BRINP1: variants seen among roughly 807,000 people sequenced by gnomAD.
BRINP1 encodes BMP/retinoic acid inducible neural specific 1.
A neutral mutation model predicts 72.9 loss-of-function variants in BRINP1; 17 were observed. The ratio of observed to expected loss-of-function variants is 0.23; its 90% confidence interval spans 0.16 to 0.35. BRINP1 has a LOEUF of 0.35. Ranked by LOEUF, BRINP1 falls within the 10% of genes least tolerant of loss-of-function variation. The pLI is 1.00. For synonymous variants in BRINP1, 418 were observed against 378.5 expected (o/e 1.10, Z -1.21); for missense variants, 850 against 1,001.6 (o/e 0.85, Z 2.04).
intron 2 of BRINP1, among the ~76,000 whole-genome samples, chr9:119,274,114 C>T (rs985015491): frequency 2.0e-5 from 3 of 152,210 alleles, no homozygotes; most frequent in Non-Finnish European, 1.5e-5. Flanking sequence ...TCCACTGAGT[C>T]GATCCTATTT....
intron 2 of BRINP1, among the ~76,000 whole-genome samples, chr9:119,265,652 G>A (rs1206851912): frequency 2.0e-5 from 3 of 151,940 alleles, no homozygotes; most frequent in African/African-American, 4.8e-5. Flanking sequence ...TCAAATCATC[G>A]AGGAAAGAAT....
chr9:119,358,382 TGTATTAA>T, intron 1 of BRINP1, among the ~76,000 whole-genome samples: 1 of 116,184 alleles, frequency 8.6e-6, no homozygotes, highest in Non-Finnish European at 1.7e-5. Context: ...AGAGTTTATA[TGTATTAA>T]AAAAAAAAAA....
intron 2 of BRINP1, among the ~76,000 whole-genome samples, chr9:119,263,063 G>C: frequency 6.6e-6 from 1 of 152,094 alleles, no homozygotes; most frequent in East Asian, 1.9e-4. Context: ...AGCGATGAAC[G>C]CAGACCCCTG....
At position 119,238,654 on chromosome 9, in the gene BRINP1, C is replaced by A; in HGVS notation, c.685+1G>T. On this transcript the variant is annotated splice_donor_variant, in intron 5 of 7. Transcript: ENST00000265922. LOFTEE classifies it high-confidence loss of function. ...CCCCACTTTTTCCACTGGCTTCCTA[C>A]CTTGAAGGTGCAGTTTGCTCTCCGT... 6.3e-7 allele frequency: 1 copy of A among 1,598,962 alleles called. No homozygotes were observed. Among genetic ancestry groups the A allele is most frequent in the South Asian group, 1.1e-5 (1 of 89,316 alleles).
rs1178244926 is a variant in BRINP1 at position 119,368,450 on chromosome 9, T to C, written c.-51+606A>G. 2.6e-5 allele frequency among the ~76,000 whole-genome samples: 4 copies of C among 151,960 alleles called. No individual in the cohort carries two copies. Among genetic ancestry groups the C allele is most frequent in the Non-Finnish European group, 4.4e-5 (3 of 68,002 alleles). ...GAATTTTCCTTCAAGCGTACCAACA[T>C]TGGGCTAAATAAGGTGCCATCTACA... On this transcript the variant is annotated intron_variant, in intron 1 of 7. Transcript: ENST00000265922. This position sits in a 1 kb window ranked among gnomAD's most constrained non-coding sequence, Gnocchi z 4.7.
At chr9:119,249,695 C>T (rs536190442) in intron 2 of BRINP1, among the ~76,000 whole-genome samples, 1 of 151,994 alleles carries the variant, frequency 6.6e-6, no homozygotes, top group Non-Finnish European at 1.5e-5. Flanking sequence ...CTGTAAATGA[C>T]ACCACAAGAA....
intron 1 of BRINP1, among the ~76,000 whole-genome samples, chr9:119,328,528 G>T (rs1036432781): frequency 3.9e-5 from 6 of 152,114 alleles, no homozygotes; most frequent in Non-Finnish European, 8.8e-5. Flanking sequence ...TAGAATATGA[G>T]ACAGAAAGAT....
intron 2 of BRINP1, among the ~76,000 whole-genome samples, chr9:119,303,907 T>C (rs1234342055): frequency 6.7e-6 from 1 of 149,362 alleles, no homozygotes; most frequent in Non-Finnish European, 1.5e-5. Flanking sequence ...TGAGACAGAG[T>C]CTCACTCTAT....
chr9:119,192,986 G>A (rs1588160003), intron 7 of BRINP1, among the ~76,000 whole-genome samples: 1 of 152,056 alleles, frequency 6.6e-6, no homozygotes, highest in Non-Finnish European at 1.5e-5. Flanking sequence ...CATAGTATTT[G>A]CATAACCTAC....
chr9:119,248,141 C>T (rs969912525), intron 3 of BRINP1, among the ~76,000 whole-genome samples: 1 of 152,204 alleles, frequency 6.6e-6, no homozygotes, highest in Non-Finnish European at 1.5e-5. Context: ...CACCTCAGTC[C>T]ACCCTTCCTG....
intron 1 of BRINP1, among the ~76,000 whole-genome samples, chr9:119,355,485 T>C (rs144035067): frequency 0.064 from 9,722 of 152,080 alleles, 348 homozygotes; most frequent in South Asian, 0.15. Flanking sequence ...TCCCAGCACT[T>C]TGGGAGGCCA....
At chr9:119,241,690 G>T (rs1830250619) in intron 4 of BRINP1, among the ~76,000 whole-genome samples, 1 of 152,122 alleles carries the variant, frequency 6.6e-6, no homozygotes, top group Non-Finnish European at 1.5e-5. Context: ...TCTAATCGCT[G>T]CTATCTCTGA....
At chr9:119,205,263 C>T (rs1829841399) in intron 7 of BRINP1, among the ~76,000 whole-genome samples, 3 of 152,088 alleles carry the variant, frequency 2.0e-5, no homozygotes, top group Non-Finnish European at 4.4e-5. Flanking sequence ...GTGCTCCTAC[C>T]CCTCGGTACC....
intron 7 of BRINP1, among the ~76,000 whole-genome samples, chr9:119,168,879 T>C (rs1482806173): frequency 1.3e-5 from 2 of 152,162 alleles, no homozygotes; most frequent in Non-Finnish European, 2.9e-5. Flanking sequence ...TTTACACTGT[T>C]GATGTGAGTA....
intron 2 of BRINP1, among the ~76,000 whole-genome samples, chr9:119,275,438 G>A (rs1365926386): frequency 1.3e-5 from 2 of 152,182 alleles, no homozygotes; most frequent in Non-Finnish European, 2.9e-5. Context: ...CCAGCACACA[G>A]TAGATGCTCA....
chr9:119,255,591 C>T (rs1365529072), intron 2 of BRINP1, among the ~76,000 whole-genome samples: 1 of 152,146 alleles, frequency 6.6e-6, no homozygotes, highest in East Asian at 1.9e-4. Context: ...TACTTTCCTT[C>T]ATACGTGCAA....
At chr9:119,261,959 AAAT>A (rs1429213473) in intron 2 of BRINP1, among the ~76,000 whole-genome samples, 1 of 151,998 alleles carries the variant, frequency 6.6e-6, no homozygotes, top group African/African-American at 2.4e-5. Flanking sequence ...ACTCAGAGAT[AAAT>A]AATATCTCTT....
At chr9:119,229,317 T>C (rs1477392993) in intron 5 of BRINP1, among the ~76,000 whole-genome samples, 1 of 152,134 alleles carries the variant, frequency 6.6e-6, no homozygotes, top group Non-Finnish European at 1.5e-5. Flanking sequence ...TACCTAACTT[T>C]TTTTAATGCT....
chr9:119,216,355 G>A (rs946703772), intron 5 of BRINP1, among the ~76,000 whole-genome samples: 6 of 152,180 alleles, frequency 3.9e-5, no homozygotes, highest in African/African-American at 1.4e-4. Context: ...ACAACGGGCT[G>A]CTGTGAGACT....
Sources: allele counts gnomAD v4.1 joint callset (sites outside exome capture counted in the v4.1 genomes callset), GRCh38; gene constraint gnomAD v4.1.1; non-coding constraint Gnocchi (gnomAD v3.1); transcripts MANE v1.5; gene names NCBI Gene and HGNC (gene_info 2026-07-23, HGNC 2026-07-21).